ITPRID2: variants seen among roughly 807,000 people sequenced by gnomAD.
ITPRID2 encodes protein ITPRID2.
Under a neutral mutation model 124.3 loss-of-function variants are expected in ITPRID2, and 60 were observed. The observed-to-expected ratio is 0.48, with a 90% confidence interval of 0.39 to 0.60. The LOEUF (loss-of-function observed/expected upper bound fraction) is 0.60, where lower values mean the gene tolerates loss of function less well. Ranked by LOEUF, ITPRID2 falls within the 20% of genes least tolerant of loss-of-function variation. ITPRID2 has a pLI of 0.00. For synonymous variants in ITPRID2, 521 were observed against 542.9 expected (o/e 0.96, Z 0.56); for missense variants, 1,553 against 1,512.2 (o/e 1.03, Z -0.45).
Position 181,902,448 on chromosome 2 carries a change from C to T in ITPRID2, c.1395C>T (p.Asp465=), listed in dbSNP as rs367713842. ...SIRNIMTQQK[D]SFEMEEVQST... The stretch of plus-strand genomic sequence containing the variant: ...GAAATATAATGACACAGCAGAAGGA[C>T]TCCTTCGAAATGGAAGAGGTAGGTA... The change falls in exon 8 of 18, where the codon GAC becomes GAT. Residue 465 remains aspartate, a synonymous_variant. Transcript: ENST00000431877. This position sits in a 1 kb window ranked among gnomAD's most constrained non-coding sequence, Gnocchi z 4.4. The T allele has an allele frequency of 3.8e-6, 6 of 1,566,200 alleles. No homozygotes were observed. The highest frequency in any genetic ancestry group is 5.2e-6 in the Non-Finnish European group (6 of 1,156,866).
chr2:181,928,365 T>C, intron 17 of ITPRID2, 87 bp downstream of exon 17: 2 of 790,302 alleles, frequency 2.5e-6, no homozygotes, highest in East Asian at 5.7e-5. Context: ...CAGGTTTGGT[T>C]CTCTAGTTAA....
rs750067768 is a variant in ITPRID2, at chr2:181,918,674, A to C, written c.2864A>C (p.Glu955Ala). 1.2e-6 allele frequency: 2 copies of C among 1,614,028 alleles called. No homozygotes were observed. The highest frequency in any genetic ancestry group is 4.5e-5 in the East Asian group (2 of 44,864). Reference protein sequence around the residue: ...TQKSSVLPLYENTFQELQVMR... With the variant: ...TQKSSVLPLYANTFQELQVMR... ...AAATCATCTGTTCTACCTCTTTATG[A>C]AGTAAGTTCTTTCTTACATCTTTGT... The change falls in exon 12 of 18, where the codon GAA (glutamate) becomes GCA (alanine). Residue 955 changes from glutamate (E) to alanine (A), a missense_variant and splice_region_variant. Transcript: ENST00000431877.
At chr2:181,927,516 T>A (rs1330113718) in intron 16 of ITPRID2, among the ~76,000 whole-genome samples, 1 of 152,174 alleles carries the variant, frequency 6.6e-6, no homozygotes, top group Non-Finnish European at 1.5e-5. Flanking sequence ...ATATCCTATA[T>A]GCATATTGGA....
intron 15 of ITPRID2, 98 bp downstream of exon 15, chr2:181,920,760 A>G (rs1243747306): frequency 7.8e-6 from 7 of 900,738 alleles, no homozygotes; most frequent in Non-Finnish European, 1.2e-5. Flanking sequence ...TTTATTTTAA[A>G]TACATAATTT....
In ITPRID2 at chr2:181,918,740, T is replaced by A; in HGVS notation, c.2866-15T>A. ...GTAGAATTTAGAAGTGTAATTTTGT[T>A]ATATTGCATTCTAGAATACTTTTCA... is the stretch of plus-strand genomic sequence containing the variant. On this transcript the variant is annotated splice_polypyrimidine_tract_variant and intron_variant, in intron 12 of 17. Transcript: ENST00000431877. 6.2e-7 allele frequency: 1 copy of A among 1,613,734 alleles called. No homozygotes were observed. Among genetic ancestry groups the A allele is most frequent in the Non-Finnish European group, 8.5e-7 (1 of 1,179,882 alleles).
At chr2:181,912,125 G>A (rs528956366) in intron 9 of ITPRID2, among the ~76,000 whole-genome samples, 21 of 152,314 alleles carry the variant, frequency 1.4e-4, no homozygotes, top group East Asian at 3.9e-4. Flanking sequence ...CTTCTAAATC[G>A]TTTAAATGAC....
chr2:181,894,698 A>G lies in ITPRID2; in HGVS notation c.258-1332A>G, dbSNP rs981198919. ...AAGATACCGTGTTTTCTTTCCTTAA[A>G]GGGAGTCTTTATTTTGATAACCATT... On this transcript the variant is annotated intron_variant, in intron 2 of 17. Coordinates refer to ENST00000431877, the MANE Select transcript of ITPRID2 (RefSeq NM_001130445.3). The G allele has an allele frequency of 8.5e-5, 13 of 152,256 alleles. No individual in the cohort carries two copies. In the East Asian group the frequency reaches 2.5e-3, roughly 29 times the overall value. 9.4% of individuals were successfully genotyped at this position (152,256 alleles called of 1,614,324 possible).
At chr2:181,914,273 TA>T (rs1405828768) in intron 10 of ITPRID2, among the ~76,000 whole-genome samples, 44 of 152,340 alleles carry the variant, frequency 2.9e-4, no homozygotes, top group African/African-American at 1.1e-3. Flanking sequence ...TTGTTTTGCC[TA>T]TTTAATAACT....
chr2:181,915,361 C>T lies in ITPRID2; in HGVS notation c.1721C>T (p.Pro574Leu). The change falls in exon 11 of 18, where the codon CCT becomes CTT. Residue 574 changes from proline to leucine, a missense_variant. Coordinates refer to ENST00000431877, the MANE Select transcript of ITPRID2 (RefSeq NM_001130445.3). ...FNESEEESLVPLQKGLEKAAA... is the reference protein window; with the variant it reads ...FNESEEESLVLLQKGLEKAAA... Reference sequence around the variant, plus strand: ...GAATCAGAGGAGGAGTCTCTTGTCCCTCTTCAGAAGGGACTAGAGAAGGCA... The same window carrying T: ...GAATCAGAGGAGGAGTCTCTTGTCCTTCTTCAGAAGGGACTAGAGAAGGCA... 1 of 1,614,132 alleles carries T rather than the reference C, an allele frequency of 6.2e-7. No homozygotes were observed. Among genetic ancestry groups the T allele is most frequent in the Non-Finnish European group, 8.5e-7 (1 of 1,180,028 alleles).
chr2:181,916,603 G>A (rs887254124), intron 11 of ITPRID2, 176 bp downstream of exon 11: 8 of 901,322 alleles, frequency 8.9e-6, no homozygotes, highest in Non-Finnish European at 1.1e-5. Flanking sequence ...TTTCAAGGGA[G>A]AAGCTGTAAC....
chr2:181,905,675 A>G lies in ITPRID2; in HGVS notation c.1413+3209A>G, dbSNP rs1290055996. Among the ~76,000 whole-genome samples the G allele has an allele frequency of 6.6e-6, 1 of 152,230 alleles. No homozygotes were observed. Among genetic ancestry groups the G allele is most frequent in the Non-Finnish European group, 1.5e-5 (1 of 68,022 alleles). ...AATATAACCATTATTGGATATACAC[A>G]TAATCTTTTTTAAGCTACTGATGTG... On this transcript the variant is annotated intron_variant, in intron 8 of 17. Coordinates refer to ENST00000431877, the MANE Select transcript of ITPRID2 (RefSeq NM_001130445.3). This position sits in a 1 kb window ranked among gnomAD's most constrained non-coding sequence, Gnocchi z 4.1.
chr2:181,915,743 G>C lies in ITPRID2; in HGVS notation c.2103G>C (p.Lys701Asn). ...VNTALQRAQM[K>N]VCSLSNQRMG... ...CAGCTTTGCAAAGAGCTCAAATGAA[G>C]GTTTGCAGTCTGTCTAATCAAAGGA... is the stretch of plus-strand genomic sequence containing the variant. Residue 701 changes from lysine (K) to asparagine (N), a missense_variant, in exon 11 of 18, where the codon AAG (lysine) becomes AAC (asparagine). Physicochemically the swap from Lys to Asn is moderately conservative, Grantham distance 94 (BLOSUM62 0). Transcript: ENST00000431877. 1 of 1,614,012 alleles carries C rather than the reference G, an allele frequency of 6.2e-7. No homozygotes were observed. Among genetic ancestry groups the C allele is most frequent in the Non-Finnish European group, 8.5e-7 (1 of 1,180,020 alleles).
At position 181,892,198 on chromosome 2, in the gene ITPRID2, A is replaced by T. The variant is rs1160106899; in HGVS notation, c.132A>T (p.Thr44=). 6.4e-7 allele frequency: 1 copy of T among 1,552,832 alleles called. No homozygotes were observed. The highest frequency in any genetic ancestry group is 8.7e-7 in the Non-Finnish European group (1 of 1,147,996). ...CGTCGGAGACGGAGGATCTGTCCAC[A>T]GAAGCGACGACGCAGGACGAGGAGG... ...WQASETEDLS[T]EATTQDEEED... The change falls in exon 1 of 18, where the codon ACA becomes ACT. Residue 44 remains threonine (T), a synonymous_variant. Transcript: ENST00000431877. The surrounding 1 kb of genome is among the most constrained non-coding windows in gnomAD (Gnocchi z 5.2).
At chr2:181,913,956 G>T in intron 10 of ITPRID2, 23 bp downstream of exon 10, 1 of 1,514,558 alleles carries the variant, frequency 6.6e-7, no homozygotes. Flanking sequence ...GTTCTAATAG[G>T]CACTATGATT....
intron 8 of ITPRID2, among the ~76,000 whole-genome samples, chr2:181,909,000 TG>T (rs1693383304): frequency 6.6e-6 from 1 of 152,216 alleles, no homozygotes; most frequent in African/African-American, 2.4e-5. Context: ...ATGTATTTAA[TG>T]TTGACATAGA....
Position 181,918,899 on chromosome 2 carries a change from T to C in ITPRID2, c.2993+17T>C, listed in dbSNP as rs1210705328. On this transcript the variant is annotated intron_variant, in intron 13 of 17. Coordinates refer to ENST00000431877, the MANE Select transcript of ITPRID2 (RefSeq NM_001130445.3). ...GGAGGAGAGGTAAAAGTTCATTTTG[T>C]CTTAGCACACCTCAAAAAGCTTTTC... 1 of 1,606,770 alleles carries C rather than the reference T, an allele frequency of 6.2e-7. No homozygotes were observed. Among genetic ancestry groups the C allele is most frequent in the Non-Finnish European group, 8.5e-7 (1 of 1,178,192 alleles).
chr2:181,921,164 A>G (rs1260967019), intron 15 of ITPRID2, among the ~76,000 whole-genome samples: 1 of 151,938 alleles, frequency 6.6e-6, no homozygotes, highest in Admixed American at 6.5e-5. Context: ...AGCCTGGGTG[A>G]CAGAGCAAGA....
chr2:181,915,532 CAG>C lies in ITPRID2; in HGVS notation c.1896_1897del (p.Glu632AspfsTer11). ...GAAGTGGAAGAGGATTTGTTTCCAGCAGAGACAGTAGAGCTACTGAGGGAAGC... is the reference window on the plus strand; with the variant it reads ...GAAGTGGAAGAGGATTTGTTTCCAGCAGACAGTAGAGCTACTGAGGGAAGC... On this transcript the variant is annotated frameshift_variant, in exon 11 of 18. Transcript: ENST00000431877. LOFTEE classifies it high-confidence loss of function. 1 of 1,614,130 alleles carries C rather than the reference CAG, an allele frequency of 6.2e-7. No individual in the cohort carries two copies.
rs1398029943 is a variant in ITPRID2 at position 181,896,741 on chromosome 2, A to G, written c.308-167A>G. Among the ~76,000 whole-genome samples the G allele has an allele frequency of 1.3e-5, 2 of 152,006 alleles. No homozygotes were observed. Among genetic ancestry groups the G allele is most frequent in the African/African-American group, 4.8e-5 (2 of 41,430 alleles). On this transcript the variant is annotated intron_variant, in intron 3 of 17. Coordinates refer to ENST00000431877, the MANE Select transcript of ITPRID2 (RefSeq NM_001130445.3). This position sits in a 1 kb window ranked among gnomAD's most constrained non-coding sequence, Gnocchi z 4.3. Reference sequence around the variant, plus strand: ...TCTTTACGTTAAAGTAAAAGCTTATACCTGCTTCTTGAAGTTATATAATCA... The same window carrying G: ...TCTTTACGTTAAAGTAAAAGCTTATGCCTGCTTCTTGAAGTTATATAATCA...
Sources: gnomAD v4.1 joint callset for allele counts (sites outside exome capture counted in the v4.1 genomes callset) on GRCh38, gnomAD v4.1.1 for gene constraint, Gnocchi (gnomAD v3.1) non-coding constraint, MANE v1.5 for transcripts, NCBI Gene and HGNC (gene_info 2026-07-23, HGNC 2026-07-21) for gene names.